The following DGCR2 variants were observed in gnomAD, a reference collection of about 807,000 sequenced individuals.
DGCR2 encodes the protein DiGeorge syndrome critical region gene 2, also known as integral membrane protein DGCR2/IDD.
In DGCR2, 24 loss-of-function variants were observed where a neutral mutation model predicts 51.6. The ratio of observed to expected loss-of-function variants is 0.47; its 90% CI spans 0.34 to 0.65. DGCR2 has a LOEUF of 0.65. Among genes scored for constraint, DGCR2 ranks in the 30% least tolerant of loss-of-function variants. The pLI is 0.01. For missense variants in DGCR2, 765 were observed against 772.1 expected (o/e 0.99, Z 0.11); for synonymous variants, 340 against 315.4 (o/e 1.08, Z -0.82).
intron 2 of DGCR2, among the ~76,000 whole-genome samples, chr22:19,081,580 C>T (rs927855119): frequency 3.3e-5 from 5 of 152,292 alleles, no homozygotes; most frequent in Admixed American, 1.3e-4. Context: ...AGATGTCTGA[C>T]AAAACCAAGA....
At chr22:19,075,223 C>G (rs994035762) in intron 2 of DGCR2, among the ~76,000 whole-genome samples, 2 of 150,840 alleles carry the variant, frequency 1.3e-5, no homozygotes, top group Non-Finnish European at 2.9e-5. Context: ...GTCAGGAGAT[C>G]GAGACCATCC....
At chr22:19,063,365 A>G (rs9617765) in intron 4 of DGCR2, 87 bp from the exon 5 acceptor site, 551,246 of 1,266,738 alleles carry the variant, frequency 0.44, 123,869 homozygotes, top group African/African-American at 0.68. Context: ...TTTTTGAGAC[A>G]GAGTCTCGCT....
intron 1 of DGCR2, among the ~76,000 whole-genome samples, chr22:19,115,210 C>A (rs530078308): frequency 6.6e-6 from 1 of 152,226 alleles, no homozygotes; most frequent in South Asian, 2.1e-4. Context: ...TCACACAGGG[C>A]AGTCCAGTTC....
In DGCR2 at chr22:19,042,160, G is replaced by A. The variant is rs150384032; in HGVS notation, c.1007-201C>T. Reference sequence around the variant, plus strand: ...GGTGACAGCACAGAAGCAGAAGAGCGAATCCCAGGTCAGGAGGAGCATCTC... The same window carrying A: ...GGTGACAGCACAGAAGCAGAAGAGCAAATCCCAGGTCAGGAGGAGCATCTC... On this transcript the variant is annotated intron_variant, in intron 7 of 9. Transcript: ENST00000263196. Among the ~76,000 whole-genome samples the A allele has an allele frequency of 1.4e-3, 206 of 152,322 alleles. 1 individual carries two copies. The highest frequency in any genetic ancestry group is 4.3e-3 in the African/African-American group (180 of 41,568).
chr22:19,056,531 G>A, intron 6 of DGCR2: 2 of 418,096 alleles, frequency 4.8e-6, no homozygotes, highest in African/African-American at 2.3e-5. Flanking sequence ...TCCCCCAAAA[G>A]CAATAGAGTT....
At chr22:19,102,506 T>C (rs2083213293) in intron 1 of DGCR2, among the ~76,000 whole-genome samples, 1 of 151,950 alleles carries the variant, frequency 6.6e-6, no homozygotes, top group Non-Finnish European at 1.5e-5. Context: ...ATCAAGACCA[T>C]CCTGGCTAAC....
rs561380142 is a variant in DGCR2, at chr22:19,105,571, C to T, written c.80-16081G>A. Among the ~76,000 whole-genome samples the T allele has an allele frequency of 3.3e-5, 5 of 152,292 alleles. No individual in the cohort carries two copies. In the South Asian group the frequency reaches 1.0e-3, roughly 32 times the overall value. On this transcript the variant is annotated intron_variant, in intron 1 of 9. Transcript: ENST00000263196. ...CTGCCCAGTGGGGAAGGGAGCGATG[C>T]ACGCTCTGGAAGGCACACTGTACTC...
intron 7 of DGCR2, among the ~76,000 whole-genome samples, chr22:19,045,727 AT>A (rs1006801558): frequency 2.0e-5 from 3 of 152,016 alleles, no homozygotes; most frequent in Non-Finnish European, 4.4e-5. Context: ...ACCCAGCCCT[AT>A]TTTATTTTTA....
At chr22:19,117,640 G>A (rs147467496) in intron 1 of DGCR2, among the ~76,000 whole-genome samples, 12 of 152,306 alleles carry the variant, frequency 7.9e-5, no homozygotes, top group African/African-American at 2.9e-4. Context: ...TGGAAGATGA[G>A]GGATAAGGCA....
intron 8 of DGCR2, 77 bp from the exon 9 acceptor site, chr22:19,041,371 C>T (rs2082430029): frequency 6.8e-7 from 1 of 1,466,270 alleles, no homozygotes; most frequent in Admixed American, 1.7e-5. Flanking sequence ...AGCCCCCCAC[C>T]CCCAGGCTGG....
intron 1 of DGCR2, among the ~76,000 whole-genome samples, chr22:19,116,178 G>A (rs905206011): frequency 6.6e-6 from 1 of 152,184 alleles, no homozygotes; most frequent in Non-Finnish European, 1.5e-5. Flanking sequence ...GGATGAGAAG[G>A]CTTGATCTAA....
Position 19,112,836 on chromosome 22 carries a change from C to T in DGCR2, c.79+9292G>A, listed in dbSNP as rs1444692976. ...CCCAAGAACCTTGAGTATACACCAT[C>T]AATCTGAAAACACAAAGAGCTAAAA... On this transcript the variant is annotated intron_variant, in intron 1 of 9. Coordinates refer to ENST00000263196, the MANE Select transcript of DGCR2 (RefSeq NM_005137.3). Among the ~76,000 whole-genome samples the T allele has an allele frequency of 1.4e-5, 2 of 143,946 alleles. 1 individual carries two copies. The highest frequency in any genetic ancestry group is 3.1e-5 in the Non-Finnish European group (2 of 64,788). The allele number at this position is 143,946 out of a possible 152,430, so 94.4% of individuals were successfully genotyped here. A position where few individuals can be genotyped will look rare whatever the true frequency, so the allele number is the denominator to read the frequency against.
chr22:19,056,543 G>C, intron 6 of DGCR2: 1 of 385,882 alleles, frequency 2.6e-6, no homozygotes, highest in Non-Finnish European at 4.7e-6. Flanking sequence ...AATAGAGTTA[G>C]CTGGCTTTAA....
intron 1 of DGCR2, among the ~76,000 whole-genome samples, chr22:19,100,194 G>A (rs922206999): frequency 5.4e-5 from 8 of 148,834 alleles, no homozygotes; most frequent in African/African-American, 1.2e-4. Flanking sequence ...CGCTTGAACC[G>A]GGGAGGCGAG....
chr22:19,043,266 C>A (rs969950972), intron 7 of DGCR2, among the ~76,000 whole-genome samples: 41 of 152,240 alleles, frequency 2.7e-4, no homozygotes, highest in African/African-American at 8.9e-4. Context: ...GGGTGCTGTT[C>A]AACATCCTCC....
chr22:19,079,540 G>C (rs1055978122), intron 2 of DGCR2, among the ~76,000 whole-genome samples: 1 of 152,186 alleles, frequency 6.6e-6, no homozygotes, highest in African/African-American at 2.4e-5. Context: ...ACCAATGTCA[G>C]AATACATTTT....
At chr22:19,051,994 G>A (rs965979156) in intron 6 of DGCR2, among the ~76,000 whole-genome samples, 3 of 152,138 alleles carry the variant, frequency 2.0e-5, no homozygotes, top group South Asian at 2.1e-4. Flanking sequence ...TCACTCCTAC[G>A]TTGATAGTGG....
chr22:19,109,923 C>T (rs536336782), intron 1 of DGCR2, among the ~76,000 whole-genome samples: 5 of 152,322 alleles, frequency 3.3e-5, no homozygotes, highest in Admixed American at 2.6e-4. Flanking sequence ...AGAAATCTGA[C>T]GCATCTAAAA....
At chr22:19,055,736 C>G (rs1262766998) in intron 6 of DGCR2, 1 of 152,218 alleles carries the variant, frequency 6.6e-6, no homozygotes, top group South Asian at 2.1e-4. Flanking sequence ...GTCGTAACAC[C>G]AGCAGTCAAG....
Sources: gnomAD v4.1 joint callset for allele counts (sites outside exome capture counted in the v4.1 genomes callset) on GRCh38, gnomAD v4.1.1 for gene constraint, MANE v1.5 for transcripts, NCBI Gene and HGNC (gene_info 2026-07-23, HGNC 2026-07-21) for gene names.